The following LAMA1 variants were observed in gnomAD, a reference collection of about 807,000 sequenced individuals.
The protein encoded by LAMA1 is laminin subunit alpha-1.
A neutral mutation model predicts 348.7 loss-of-function variants in LAMA1; 219 were observed. That is an observed-to-expected ratio of 0.63 (90% CI 0.56 to 0.70). The LOEUF is 0.70. Among genes scored for constraint, LAMA1 ranks in the 30% least tolerant of loss-of-function variants. The probability of loss-of-function intolerance (pLI) is 0.00; values close to 1 mark genes in which losing one functional copy is unlikely to be tolerated. For synonymous variants in LAMA1, 1,487 were observed against 1,491.0 expected, an observed-to-expected ratio of 1.00 and a Z score of 0.06; for missense variants, 3,744 against 3,888.0, an observed-to-expected ratio of 0.96 and a Z score of 0.99.
intron 16 of LAMA1, 133 bp from the exon 17 acceptor site, chr18:7,026,239 A>G: frequency 3.0e-6 from 3 of 1,000,832 alleles, no homozygotes; most frequent in Non-Finnish European, 3.1e-6. Context: ...TCTGAGCTAT[A>G]TGAGGAAGGC....
intron 57 of LAMA1, among the ~76,000 whole-genome samples, chr18:6,952,930 C>T (rs942995171): frequency 2.0e-5 from 3 of 149,358 alleles, no homozygotes; most frequent in African/African-American, 7.5e-5. Flanking sequence ...CCATGTCTGC[C>T]TGTGTCCAGT....
chr18:7,041,309 A>T (rs2058019432), intron 9 of LAMA1, among the ~76,000 whole-genome samples: 1 of 152,186 alleles, frequency 6.6e-6, no homozygotes, highest in Admixed American at 6.5e-5. Context: ...ATGGTTGCAA[A>T]GTTTAAATGA....
At chr18:7,004,644 G>T (rs554291376) in intron 29 of LAMA1, among the ~76,000 whole-genome samples, 2 of 152,140 alleles carry the variant, frequency 1.3e-5, no homozygotes, top group Non-Finnish European at 2.9e-5. Flanking sequence ...GAGCCACTGC[G>T]CCCGGCCCCA....
chr18:6,983,174 G>T lies in LAMA1; in HGVS notation c.5721C>A (p.Tyr1907Ter). Residue 1907 changes from tyrosine to a stop codon, truncating the protein, a stop_gained, in exon 40 of 63, where the codon TAC (tyrosine) becomes TAA (stop). Coordinates refer to ENST00000389658, the MANE Select transcript of LAMA1 (RefSeq NM_005559.4). LOFTEE classifies it high-confidence loss of function. ...ATTCTTCAATCAGGCTCTGGATGTT[G>T]TAATGGACATAGGCTGCACTGGTGG... ...LNATSAAYVH[Y>*]NIQSLIEESE... 1 of 1,614,128 alleles carries T rather than the reference G, an allele frequency of 6.2e-7. No homozygotes were observed. The highest frequency in any genetic ancestry group is 8.5e-7 in the Non-Finnish European group (1 of 1,180,002).
chr18:6,966,719 T>C (rs186437964), intron 48 of LAMA1, among the ~76,000 whole-genome samples: 3 of 152,208 alleles, frequency 2.0e-5, no homozygotes, highest in Non-Finnish European at 4.4e-5. Context: ...ACTAGAGTTA[T>C]GATGGAAAGC....
In LAMA1 at chr18:7,013,990, C is replaced by T. The variant is rs747496223; in HGVS notation, c.3188G>A (p.Cys1063Tyr). ...HHRCDVVTGHCQCKSKFGGRA... is the reference protein window; with the variant it reads ...HHRCDVVTGHYQCKSKFGGRA... ...GCCACCAAATTTTGACTTGCACTGG[C>T]AATGGCCGGTGACCACATCGCACCG... The change falls in exon 23 of 63, where the codon TGC (cysteine) becomes TAC (tyrosine). Residue 1063 changes from cysteine (C) to tyrosine (Y), a missense_variant. Transcript: ENST00000389658. 9 of 1,613,922 alleles carry T rather than the reference C, an allele frequency of 5.6e-6. No homozygotes were observed. The highest frequency in any genetic ancestry group is 2.2e-5 in the South Asian group (2 of 91,006).
chr18:7,061,232 C>G lies in LAMA1; in HGVS notation c.346-10296G>C, dbSNP rs897898550. Among the ~76,000 whole-genome samples, 4 of 152,294 alleles carry G rather than the reference C, an allele frequency of 2.6e-5. No individual in the cohort carries two copies. In the East Asian group the frequency reaches 7.7e-4, roughly 29 times the overall value. On this transcript the variant is annotated intron_variant, in intron 3 of 62. Transcript: ENST00000389658. ...ACAAGTAAAAGGTTGTCTTCCCTTC[C>G]TAGTCTCGATGTATTTCTCCCTATA...
intron 22 of LAMA1, among the ~76,000 whole-genome samples, chr18:7,014,358 C>T (rs373135991): frequency 2.0e-5 from 3 of 152,188 alleles, no homozygotes; most frequent in Non-Finnish European, 4.4e-5. Context: ...CAGTGGTTCA[C>T]GCCTGCAATT....
intron 57 of LAMA1, among the ~76,000 whole-genome samples, chr18:6,953,087 T>C (rs982888687): frequency 1.0e-3 from 145 of 143,712 alleles, no homozygotes; most frequent in African/African-American, 3.5e-3. Flanking sequence ...CATGTCTGCC[T>C]GTGTCCAGTG....
At chr18:6,998,011 G>A (rs376905170) in intron 32 of LAMA1, 127 bp from the exon 33 acceptor site, 24 of 816,022 alleles carry the variant, frequency 2.9e-5, no homozygotes, top group South Asian at 2.6e-4. Flanking sequence ...CCAAGACCCC[G>A]TGCACCACAT....
intron 1 of LAMA1, among the ~76,000 whole-genome samples, chr18:7,081,374 GGTA>G (rs1479689315): frequency 1.3e-5 from 2 of 152,022 alleles, no homozygotes; most frequent in Non-Finnish European, 2.9e-5. Context: ...AGTTGACTCT[GGTA>G]GTATTTACAA....
At position 6,958,751 on chromosome 18, in the gene LAMA1, A is replaced by G. The variant is rs73390526; in HGVS notation, c.7779-89T>C. 1.7e-3 allele frequency: 1,940 copies of G among 1,139,052 alleles called. 25 individuals are homozygous for G. In the African/African-American group the frequency reaches 0.026, roughly 15 times the overall value. 70.6% of individuals were successfully genotyped at this position (1,139,052 alleles called of 1,614,324 possible). On this transcript the variant is annotated intron_variant, in intron 54 of 62. Transcript: ENST00000389658. ...TAGTCCATAATTCCCACAAGTTCTC[A>G]CTGAATAATAAAAGTTCCCTAAAGG...
At chr18:7,079,410 A>C in intron 3 of LAMA1, 1 of 163,750 alleles carries the variant, frequency 6.1e-6, no homozygotes, top group Non-Finnish European at 1.3e-5. Context: ...GTGTGGCTGG[A>C]GCCAGTCATA....
intron 35 of LAMA1, 43 bp downstream of exon 35, chr18:6,993,598 T>C (rs746641524): frequency 6.0e-6 from 8 of 1,332,554 alleles, no homozygotes; most frequent in Non-Finnish European, 8.7e-6. Flanking sequence ...GACTTCTTAC[T>C]AGATAAGCAC....
At chr18:6,956,497 T>C (rs567972968) in intron 56 of LAMA1, 139 bp downstream of exon 56, 2 of 1,431,678 alleles carry the variant, frequency 1.4e-6, no homozygotes, top group African/African-American at 2.8e-5. Context: ...CCCGCTCTGA[T>C]TTTTAGCACA....
intron 1 of LAMA1, among the ~76,000 whole-genome samples, chr18:7,105,989 A>C (rs1462780): frequency 0.087 from 13,263 of 152,238 alleles, 1,833 homozygotes; most frequent in African/African-American, 0.29. Context: ...ACACAGAAGA[A>C]ACTGGCTTTC....
rs371013195 is a variant in LAMA1 at position 7,032,020 on chromosome 18, C to G, written c.2274+46G>C. ...AATCACTTGTACACAGCAAATGGCT[C>G]TGAATTGAGGAGGAGAGGGCACCTG... is the stretch of plus-strand genomic sequence containing the variant. On this transcript the variant is annotated intron_variant, in intron 16 of 62. Coordinates refer to ENST00000389658, the MANE Select transcript of LAMA1 (RefSeq NM_005559.4). 68 of 1,490,136 alleles carry G rather than the reference C, an allele frequency of 4.6e-5. No homozygotes were observed. The African/African-American group carries it at 8.7e-4, about 19-fold the overall frequency. The allele number at this position is 1,490,136 out of a possible 1,614,324, so 92.3% of individuals were successfully genotyped here.
chr18:7,014,939 C>T (rs71360058), intron 22 of LAMA1, among the ~76,000 whole-genome samples: 22,989 of 152,094 alleles, frequency 0.15, 1,962 homozygotes, highest in Middle Eastern at 0.24. Flanking sequence ...CTCCGCCTCC[C>T]GGGTTCACGT....
chr18:6,943,288 G>A lies in LAMA1; in HGVS notation c.8959C>T (p.His2987Tyr). 1 of 1,614,226 alleles carries A rather than the reference G, an allele frequency of 6.2e-7. No individual in the cohort carries two copies. The highest frequency in any genetic ancestry group is 8.5e-7 in the Non-Finnish European group (1 of 1,180,042). Reference sequence around the variant, plus strand: ...CCGTCAACAATCAGAGTGATACGGTGTTTGCTTTTGTTAGCTTGAAGAGTG... The same window carrying A: ...CCGTCAACAATCAGAGTGATACGGTATTTGCTTTTGTTAGCTTGAAGAGTG... ...WHTLQANKSK[H>Y]RITLIVDGNA... Residue 2987 changes from histidine (H) to tyrosine (Y), a missense_variant, in exon 62 of 63, where the codon CAC (histidine) becomes TAC (tyrosine). His to Tyr is a moderately conservative substitution (Grantham distance 83). This residue lies in a region of LAMA1 where 232 missense variants were observed against 264.4 expected (regional missense o/e 0.88). Transcript: ENST00000389658.
Sources: allele counts gnomAD v4.1 joint callset (sites outside exome capture counted in the v4.1 genomes callset), GRCh38; gene constraint gnomAD v4.1.1; regional missense constraint gnomAD v4.1.1; transcripts MANE v1.5; gene names NCBI Gene and HGNC (gene_info 2026-07-23, HGNC 2026-07-21).